Variants in CTNNBL1 observed in about 807,000 individuals in gnomAD.
CTNNBL1 encodes the protein beta-catenin-like protein 1.
A neutral mutation model predicts 72.7 loss-of-function variants in CTNNBL1; 31 were observed. The observed-to-expected ratio is 0.43, with a 90% CI of 0.32 to 0.58. The LOEUF (loss-of-function observed/expected upper bound fraction) is 0.58, where lower values mean the gene tolerates loss of function less well. Among genes scored for constraint, CTNNBL1 ranks in the 20% least tolerant of loss-of-function variants. CTNNBL1 has a pLI of 0.08. For synonymous variants in CTNNBL1, 240 were observed against 267.3 expected, an observed-to-expected ratio of 0.90 and a Z score of 1.00; for missense variants, 534 against 725.1, an observed-to-expected ratio of 0.74 and a Z score of 3.03.
chr20:37,731,864 T>C (rs778639642), intron 1 of CTNNBL1, among the ~76,000 whole-genome samples: 8 of 152,216 alleles, frequency 5.3e-5, no homozygotes, highest in Non-Finnish European at 1.2e-4. Context: ...TTGTGAATAA[T>C]GCTACAATGA....
chr20:37,859,678 T>C (rs1418899856), intron 13 of CTNNBL1, among the ~76,000 whole-genome samples: 2 of 151,458 alleles, frequency 1.3e-5, no homozygotes, highest in African/African-American at 4.9e-5. Context: ...TAGGAAAAAA[T>C]AGGCTTTAAG....
At chr20:37,862,643 G>A (rs1054185800) in intron 15 of CTNNBL1, among the ~76,000 whole-genome samples, 6 of 152,152 alleles carry the variant, frequency 3.9e-5, no homozygotes, top group African/African-American at 7.2e-5. Context: ...AACCAGTGAA[G>A]GGTCTGCACA....
At position 37,839,743 on chromosome 20, in the gene CTNNBL1, A is replaced by G. The variant is rs138316819; in HGVS notation, c.1214-359A>G. Among the ~76,000 whole-genome samples the G allele has an allele frequency of 9.8e-5, 15 of 152,324 alleles. 1 individual carries two copies. In the East Asian group the frequency reaches 2.7e-3, roughly 27 times the overall value. On this transcript the variant is annotated intron_variant, in intron 11 of 15. Transcript: ENST00000361383. Reference sequence around the variant, plus strand: ...CTTATCTCCATTATTTGTTCATGCCATGGCTGGTGTTCATATTCTATTCAC... The same window carrying G: ...CTTATCTCCATTATTTGTTCATGCCGTGGCTGGTGTTCATATTCTATTCAC...
chr20:37,851,554 T>G (rs536660291), intron 13 of CTNNBL1, among the ~76,000 whole-genome samples: 26 of 152,320 alleles, frequency 1.7e-4, no homozygotes, highest in South Asian at 4.1e-4. Context: ...AAACATAGAC[T>G]TTTTCCTTTT....
intron 10 of CTNNBL1, among the ~76,000 whole-genome samples, chr20:37,799,594 T>C (rs968241363): frequency 4.6e-5 from 7 of 152,354 alleles, no homozygotes; most frequent in Non-Finnish European, 1.0e-4. Context: ...CCTCTTCTCA[T>C]CATCTTGGAC....
intron 13 of CTNNBL1, among the ~76,000 whole-genome samples, chr20:37,856,383 G>A (rs1028111559): frequency 6.6e-6 from 1 of 152,122 alleles, no homozygotes; most frequent in African/African-American, 2.4e-5. Flanking sequence ...AATCCAGGGT[G>A]TAGGGGGTTG....
In CTNNBL1 at chr20:37,802,879, C is replaced by G. The variant is rs748058767; in HGVS notation, c.1044C>G (p.Ile348Met). 22 of 1,609,586 alleles carry G rather than the reference C, an allele frequency of 1.4e-5. No homozygotes were observed. The Admixed American group carries it at 3.7e-4, about 27-fold the overall frequency. ...LMNLMLREKK[I>M]SRSSALKVLD... ...CTTTTGTTCACAGGGAAAAGAAGAT[C>G]TCCCGGAGCAGTGCCCTGAAAGTGC... The change falls in exon 11 of 16, where the codon ATC becomes ATG. Residue 348 changes from isoleucine (I) to methionine (M), a missense_variant. By Grantham distance (10) the Ile-to-Met change is conservative. Transcript: ENST00000361383.
chr20:37,732,247 C>T lies in CTNNBL1; in HGVS notation c.31-632C>T, dbSNP rs116815699. 5.9e-3 allele frequency among the ~76,000 whole-genome samples: 900 copies of T among 152,290 alleles called. 6 individuals are homozygous for T. The highest frequency in any genetic ancestry group is 0.021 in the African/African-American group (858 of 41,556). On this transcript the variant is annotated intron_variant, in intron 1 of 15. Transcript: ENST00000361383. Reference sequence around the variant, plus strand: ...TCTATTTAGGTCCTTTGCCCAGGCTCTGGGCCTTACTCAACTCTTCTGTAA... The same window carrying T: ...TCTATTTAGGTCCTTTGCCCAGGCTTTGGGCCTTACTCAACTCTTCTGTAA...
chr20:37,717,039 C>T (rs1173883876), intron 1 of CTNNBL1, among the ~76,000 whole-genome samples: 1 of 152,164 alleles, frequency 6.6e-6, no homozygotes, highest in Non-Finnish European at 1.5e-5. Context: ...CACACATGAT[C>T]CGGTTCTCAC....
chr20:37,823,165 T>C (rs1457197091), intron 11 of CTNNBL1, among the ~76,000 whole-genome samples: 1 of 152,244 alleles, frequency 6.6e-6, no homozygotes, highest in Non-Finnish European at 1.5e-5. Context: ...TGTTAGAATG[T>C]GGTCCTGAAG....
intron 7 of CTNNBL1, among the ~76,000 whole-genome samples, chr20:37,774,375 A>G (rs1236949761): frequency 6.6e-6 from 1 of 152,142 alleles, no homozygotes; most frequent in Non-Finnish European, 1.5e-5. Flanking sequence ...GCATCTTTGA[A>G]GCCACCTCCT....
intron 1 of CTNNBL1, among the ~76,000 whole-genome samples, chr20:37,697,972 C>G (rs2122534980): frequency 6.6e-6 from 1 of 152,172 alleles, no homozygotes; most frequent in South Asian, 2.1e-4. Flanking sequence ...TCAATCTGAC[C>G]CCTTTCCCCC....
chr20:37,812,934 C>G (rs1456680212), intron 11 of CTNNBL1, among the ~76,000 whole-genome samples: 3 of 151,976 alleles, frequency 2.0e-5, no homozygotes, highest in Non-Finnish European at 4.4e-5. Context: ...AAACAGCCCC[C>G]CCCAGGAATG....
chr20:37,849,483 C>CATTG (rs2072377069), intron 13 of CTNNBL1, among the ~76,000 whole-genome samples: 1 of 152,240 alleles, frequency 6.6e-6, no homozygotes, highest in African/African-American at 2.4e-5. Flanking sequence ...ACCTTCTAGA[C>CATTG]ATTGGCCCAT....
intron 7 of CTNNBL1, 77 bp downstream of exon 7, chr20:37,768,121 G>T: frequency 1.7e-6 from 2 of 1,204,338 alleles, no homozygotes; most frequent in Non-Finnish European, 2.5e-6. Context: ...TATTGGCATA[G>T]ACTGTTATGC....
intron 6 of CTNNBL1, among the ~76,000 whole-genome samples, chr20:37,765,917 T>A (rs1245490903): frequency 6.6e-6 from 1 of 152,222 alleles, no homozygotes; most frequent in Non-Finnish European, 1.5e-5. Context: ...GATATCCTAT[T>A]TAAAATTGTG....
At chr20:37,829,410 G>T (rs2072188630) in intron 11 of CTNNBL1, among the ~76,000 whole-genome samples, 2 of 152,266 alleles carry the variant, frequency 1.3e-5, no homozygotes, top group South Asian at 2.1e-4. Context: ...TGGAAGGCAG[G>T]TGCAGGTTCT....
At chr20:37,824,171 G>C (rs578000142) in intron 11 of CTNNBL1, among the ~76,000 whole-genome samples, 1 of 152,192 alleles carries the variant, frequency 6.6e-6, no homozygotes, top group African/African-American at 2.4e-5. Context: ...TAGAGGACTC[G>C]GGCTGAAGCT....
At chr20:37,694,218 C>A in intron 1 of CTNNBL1, 66 bp downstream of exon 1, 2 of 1,417,130 alleles carry the variant, frequency 1.4e-6, no homozygotes, top group Non-Finnish European at 1.9e-6. Flanking sequence ...GGAGCCAGAG[C>A]CCTTTCATCT....
Sources: allele counts gnomAD v4.1 joint callset (sites outside exome capture counted in the v4.1 genomes callset), GRCh38; gene constraint gnomAD v4.1.1; transcripts MANE v1.5; gene names NCBI Gene and HGNC (gene_info 2026-07-23, HGNC 2026-07-21).